PZP: variants seen among roughly 807,000 people sequenced by gnomAD.
PZP encodes the protein PZP alpha-2-macroglobulin like.
A neutral mutation model predicts 179.8 loss-of-function variants in PZP; 150 were observed. The observed-to-expected ratio is 0.83, with a 90% CI of 0.73 to 0.96. The LOEUF is 0.96. PZP is among the 40% of genes least tolerant of loss of function. The pLI is 0.00. For missense variants in PZP, 1,689 were observed against 1,764.0 expected, an observed-to-expected ratio of 0.96 and a Z score of 0.76; for synonymous variants, 624 against 652.3, an observed-to-expected ratio of 0.96 and a Z score of 0.66.
intron 15 of PZP, 112 bp from the exon 16 acceptor site, chr12:9,169,703 G>T: frequency 9.7e-7 from 1 of 1,029,986 alleles, no homozygotes; most frequent in Non-Finnish European, 1.3e-6. Flanking sequence ...GTACGTTCAT[G>T]TAGTTGGTAC....
chr12:9,184,223 G>A lies in PZP; in HGVS notation c.1547-2106C>T, dbSNP rs184996827. Reference sequence around the variant, plus strand: ...TCCTACCACACAGCCACTGACATCAGAGCATTGGCAGGCACTAAGCTCGCC... The same window carrying A: ...TCCTACCACACAGCCACTGACATCAAAGCATTGGCAGGCACTAAGCTCGCC... On this transcript the variant is annotated intron_variant, in intron 13 of 35. Coordinates refer to ENST00000261336, the MANE Select transcript of PZP (RefSeq NM_002864.3). Among the ~76,000 whole-genome samples, 568 of 152,308 alleles carry A rather than the reference G, an allele frequency of 3.7e-3. 3 individuals carry two copies. Among genetic ancestry groups the A allele is most frequent in the Middle Eastern group, 6.8e-3 (2 of 294 alleles).
rs772015449 is a variant in PZP, at chr12:9,165,318, C to T, written c.2308G>A (p.Glu770Lys). Residue 770 changes from glutamate (E) to lysine (K), a missense_variant, in exon 19 of 36, where the codon GAG (glutamate) becomes AAG (lysine). Glu to Lys is a moderately conservative substitution (Grantham distance 56, BLOSUM62 1). Around this residue, in one of 3 missense-constraint regions of PZP, gnomAD observed 201 missense variants for 284.2 expected, o/e 0.71. Transcript: ENST00000261336. ...VGVTVPDTITEWKAGAFCLSE... is the reference protein window; with the variant it reads ...VGVTVPDTITKWKAGAFCLSE... ...AGGCAGAAGGCCCCTGCCTTCCACT[C>T]GGTGATGGTGTCAGGGACTGTTACT... 3.7e-6 allele frequency: 6 copies of T among 1,613,998 alleles called. No individual in the cohort carries two copies. Among genetic ancestry groups the T allele is most frequent in the South Asian group, 1.1e-5 (1 of 91,080 alleles).
intron 11 of PZP, among the ~76,000 whole-genome samples, 155 bp from the exon 12 acceptor site, chr12:9,192,894 C>T (rs1161605366): frequency 6.6e-6 from 1 of 152,206 alleles, no homozygotes; most frequent in African/African-American, 2.4e-5. Context: ...AATTTTCAGT[C>T]TCCCAACATT....
intron 20 of PZP, 84 bp from the exon 21 acceptor site, chr12:9,163,873 TC>T: frequency 6.8e-7 from 1 of 1,463,848 alleles, no homozygotes. Flanking sequence ...CTTATAGTTG[TC>T]CAGAATAGAA....
Position 9,192,517 on chromosome 12 carries a change from A to G in PZP, c.1477T>C (p.Tyr493His). ...TTCCATGGCCTCATTCTTACCAGGT[A>G]ATGGAAACTGAGCTCCGATAACTCT... ...MGELSELSFHYLIMAKGVIVR... is the reference protein window; with the variant it reads ...MGELSELSFHHLIMAKGVIVR... Residue 493 changes from tyrosine to histidine, a missense_variant, in exon 12 of 36, where the codon TAC (tyrosine) becomes CAC (histidine). Tyr to His is a moderately conservative substitution (Grantham distance 83, BLOSUM62 2). Transcript: ENST00000261336. 6.2e-7 allele frequency: 1 copy of G among 1,611,674 alleles called. No homozygotes were observed. The highest frequency in any genetic ancestry group is 1.1e-5 in the South Asian group (1 of 91,026).
chr12:9,138,570 G>A, the PZP span, among the ~76,000 whole-genome samples: 1 of 151,868 alleles, frequency 6.6e-6, no homozygotes, highest in African/African-American at 2.4e-5. Flanking sequence ...ATTTGAGACT[G>A]ATTGGCACTT....
intron 15 of PZP, among the ~76,000 whole-genome samples, chr12:9,174,284 A>G (rs1423850128): frequency 6.6e-6 from 1 of 152,206 alleles, no homozygotes; most frequent in Non-Finnish European, 1.5e-5. Context: ...ACATCCCTTT[A>G]TGTTAAAAAC....
intron 15 of PZP, among the ~76,000 whole-genome samples, chr12:9,174,440 C>G (rs1942223155): frequency 2.0e-5 from 3 of 152,112 alleles, no homozygotes; most frequent in South Asian, 4.1e-4. Flanking sequence ...CTCACCACTC[C>G]CATTCAACAT....
intron 19 of PZP, 147 bp downstream of exon 19, chr12:9,164,992 G>C: frequency 1.0e-6 from 1 of 978,458 alleles, no homozygotes; most frequent in South Asian, 1.6e-5. Context: ...TTCTGATCAT[G>C]TCCTGCTTTG....
intron 13 of PZP, among the ~76,000 whole-genome samples, chr12:9,182,381 C>T (rs1359131817): frequency 6.6e-6 from 1 of 151,546 alleles, no homozygotes; most frequent in Non-Finnish European, 1.5e-5. Flanking sequence ...TTAACTGTTG[C>T]CTAAATCAAT....
At position 9,200,953 on chromosome 12, in the gene PZP, C is replaced by G. The variant is rs771947393; in HGVS notation, c.609G>C (p.Arg203Ser). The change falls in exon 6 of 36, where the codon AGG (arginine) becomes AGC (serine). Residue 203 changes from arginine (R) to serine (S), a missense_variant. By Grantham distance (110) the Arg-to-Ser change is moderately radical. This residue lies in a region of PZP where 742 missense variants were observed against 730.5 expected (regional missense o/e 1.02). Coordinates refer to ENST00000261336, the MANE Select transcript of PZP (RefSeq NM_002864.3). ...LSSEPIQGSY[R>S]VVVQTESGGR... ...CACCTGATTCTGTCTGTACCACCAC[C>G]CTGTAGGAGCCCTGAATGGGCTCTG... 7 of 1,613,932 alleles carry G rather than the reference C, an allele frequency of 4.3e-6. No individual in the cohort carries two copies. Among genetic ancestry groups the G allele is most frequent in the Non-Finnish European group, 4.2e-6 (5 of 1,179,976 alleles).
At chr12:9,158,752 CTTTTCT>C (rs1181877041) in intron 25 of PZP, among the ~76,000 whole-genome samples, 176 bp from the exon 26 acceptor site, 22 of 97,830 alleles carry the variant, frequency 2.2e-4, no homozygotes, top group South Asian at 4.0e-4. Context: ...TTTTTCTTTT[CTTTTCT>C]TTTTTTTTTT....
chr12:9,187,222 T>G (rs997255277), intron 13 of PZP, among the ~76,000 whole-genome samples: 3 of 151,934 alleles, frequency 2.0e-5, no homozygotes, highest in Non-Finnish European at 2.9e-5. Flanking sequence ...TCAAAGAGAC[T>G]CAGACTCCCA....
At chr12:9,163,590 A>G in intron 21 of PZP, 78 bp downstream of exon 21, 1 of 1,488,162 alleles carries the variant, frequency 6.7e-7, no homozygotes, top group Non-Finnish European at 9.2e-7. Context: ...CATGATATTA[A>G]TGGTTCTTTG....
chr12:9,194,021 A>C, intron 11 of PZP, 56 bp downstream of exon 11: 1 of 1,491,076 alleles, frequency 6.7e-7, no homozygotes, highest in Non-Finnish European at 9.2e-7. Context: ...TCTTCTGAAT[A>C]TATCACTGTT....
chr12:9,171,543 CAAT>C (rs1411472582), intron 15 of PZP, among the ~76,000 whole-genome samples: 1 of 152,046 alleles, frequency 6.6e-6, no homozygotes, highest in Non-Finnish European at 1.5e-5. Flanking sequence ...AAGTGGATAA[CAAT>C]AAACTTTGCT....
chr12:9,160,393 G>C lies in PZP; in HGVS notation c.2970C>G (p.Ile990Met). ...TTTCATTCAGATAGTTCAAGACATA[G>C]ATGTTAGGAGCAAATAGGACCATGT... ...EQNMVLFAPN[I>M]YVLNYLNETQ... The change falls in exon 24 of 36, where the codon ATC becomes ATG. Residue 990 changes from isoleucine (I) to methionine (M), a missense_variant. Coordinates refer to ENST00000261336, the MANE Select transcript of PZP (RefSeq NM_002864.3). 6.2e-7 allele frequency: 1 copy of C among 1,614,138 alleles called. No individual in the cohort carries two copies. Among genetic ancestry groups the C allele is most frequent in the East Asian group, 2.2e-5 (1 of 44,876 alleles).
At chr12:9,186,030 T>A (rs905131996) in intron 13 of PZP, among the ~76,000 whole-genome samples, 12 of 151,872 alleles carry the variant, frequency 7.9e-5, no homozygotes, top group East Asian at 1.9e-4. Context: ...ATGGTCTCGA[T>A]CTCCTGACTT....
At chr12:9,204,229 G>T (rs753719428) in intron 1 of PZP, among the ~76,000 whole-genome samples, 2 of 152,296 alleles carry the variant, frequency 1.3e-5, no homozygotes, top group East Asian at 3.9e-4. Context: ...GTAAAGAGCA[G>T]TCTGAGCTCT....
Sources: gnomAD v4.1 joint callset for allele counts (sites outside exome capture counted in the v4.1 genomes callset) on GRCh38, gnomAD v4.1.1 for gene constraint, gnomAD v4.1.1 regional missense constraint, MANE v1.5 for transcripts, NCBI Gene and HGNC (gene_info 2026-07-23, HGNC 2026-07-21) for gene names.